The following PHF2 variants were observed in gnomAD, a reference collection of about 807,000 sequenced individuals.
PHF2 encodes the protein PHD finger protein 2.
A neutral mutation model predicts 120.5 loss-of-function variants in PHF2; 27 were observed. The observed-to-expected ratio is 0.22, with a 90% CI of 0.17 to 0.31. PHF2 has a LOEUF of 0.31. Ranked by LOEUF, PHF2 falls within the 10% of genes least tolerant of loss-of-function variation. The probability of loss-of-function intolerance (pLI) is 1.00; values close to 1 mark genes in which losing one functional copy is unlikely to be tolerated. For synonymous variants in PHF2, 568 were observed against 592.5 expected (o/e 0.96, Z 0.60); for missense variants, 1,024 against 1,434.8 (o/e 0.71, Z 4.63).
chr9:93,636,570 T>C (rs919386179), intron 3 of PHF2, 45 bp downstream of exon 3: 9 of 1,303,346 alleles, frequency 6.9e-6, no homozygotes, highest in African/African-American at 2.9e-5. Context: ...AGCCAGGGGA[T>C]GCACACTCTC....
chr9:93,581,733 G>A (rs866867214), intron 1 of PHF2, among the ~76,000 whole-genome samples: 15 of 152,210 alleles, frequency 9.9e-5, no homozygotes, highest in African/African-American at 3.1e-4. Context: ...GGCTGCTTGG[G>A]TGAAATGTGG....
intron 3 of PHF2, among the ~76,000 whole-genome samples, chr9:93,637,700 T>A (rs765486123): frequency 1.6e-4 from 24 of 152,266 alleles, no homozygotes; most frequent in Non-Finnish European, 2.8e-4. Flanking sequence ...CATCAGGTGA[T>A]GGTCATTTGC....
At chr9:93,621,616 G>A (rs1389981534) in intron 1 of PHF2, among the ~76,000 whole-genome samples, 8 of 152,324 alleles carry the variant, frequency 5.3e-5, no homozygotes, top group South Asian at 2.1e-4. Flanking sequence ...CGTTATGGAG[G>A]GCGGGGCCAG....
Position 93,675,969 on chromosome 9 carries a change from C to G in PHF2, c.2832+180C>G, listed in dbSNP as rs560122530. The stretch of plus-strand genomic sequence containing the variant: ...CCTATTCCTCCAGGCCCTAAATTCC[C>G]CGTGTGGGGTCCGGGGGAGCTAGGA... On this transcript the variant is annotated intron_variant, in intron 20 of 21. Coordinates refer to ENST00000359246, the MANE Select transcript of PHF2 (RefSeq NM_005392.4). Among the ~76,000 whole-genome samples the G allele has an allele frequency of 3.9e-5, 6 of 152,324 alleles. No homozygotes were observed. In the East Asian group the frequency reaches 7.7e-4, roughly 20 times the overall value.
At chr9:93,597,445 C>T (rs1400872450) in intron 1 of PHF2, among the ~76,000 whole-genome samples, 1 of 152,038 alleles carries the variant, frequency 6.6e-6, no homozygotes, top group Non-Finnish European at 1.5e-5. Context: ...AGCCTCCCAC[C>T]TGCTCTCTGT....
intron 1 of PHF2, among the ~76,000 whole-genome samples, chr9:93,602,766 C>T (rs1418143743): frequency 6.6e-6 from 1 of 152,126 alleles, no homozygotes; most frequent in East Asian, 1.9e-4. Context: ...GGGCAGATTG[C>T]CAGGAGTAAG....
chr9:93,576,819 G>T lies in PHF2; in HGVS notation c.46G>T (p.Val16Phe). 7.7e-7 allele frequency: 1 copy of T among 1,291,034 alleles called. No individual in the cohort carries two copies. The highest frequency in any genetic ancestry group is 1.0e-6 in the Non-Finnish European group (1 of 984,558). 80.0% of individuals were successfully genotyped at this position (1,291,034 alleles called of 1,614,324 possible). ...VYCVCRLPYD[V>F]TRFMIECDAC... ...CTGCGTCTGCCGGCTCCCCTACGACGTTACCCGCTTCATGATCGAGTGCGA... is the reference window on the plus strand; with the variant it reads ...CTGCGTCTGCCGGCTCCCCTACGACTTTACCCGCTTCATGATCGAGTGCGA... The change falls in exon 1 of 22, where the codon GTT becomes TTT. Residue 16 changes from valine (V) to phenylalanine (F), a missense_variant. By Grantham distance (50) the Val-to-Phe change is conservative. This residue lies in a region of PHF2 where 347 missense variants were observed against 577.4 expected (regional missense o/e 0.60). Transcript: ENST00000359246.
intron 17 of PHF2, among the ~76,000 whole-genome samples, chr9:93,673,342 T>C (rs1826844483): frequency 6.6e-6 from 1 of 151,998 alleles, no homozygotes; most frequent in South Asian, 2.1e-4. Context: ...CATCTCTGTC[T>C]CCAGGCCTCC....
intron 1 of PHF2, among the ~76,000 whole-genome samples, chr9:93,598,321 G>C (rs188639401): frequency 7.2e-5 from 11 of 152,226 alleles, no homozygotes; most frequent in Non-Finnish European, 2.9e-5. Flanking sequence ...GAAGAGGGCC[G>C]TGCTGCGGGA....
chr9:93,657,373 C>G (rs529537752), intron 9 of PHF2, among the ~76,000 whole-genome samples: 1 of 152,260 alleles, frequency 6.6e-6, no homozygotes, highest in East Asian at 1.9e-4. Flanking sequence ...CCCACTGTTC[C>G]CCAAATCTGG....
Position 93,660,383 on chromosome 9 carries a change from G to GAC in PHF2, c.1521_1522insAC (p.Pro508ThrfsTer15). The GAC allele has an allele frequency of 6.6e-7, 1 of 1,511,704 alleles. No homozygotes were observed. Among genetic ancestry groups the GAC allele is most frequent in the Non-Finnish European group, 8.9e-7 (1 of 1,126,702 alleles). 93.6% of individuals were successfully genotyped at this position (1,511,704 alleles called of 1,614,324 possible). A position where few individuals can be genotyped will look rare whatever the true frequency, so the allele number is the denominator to read the frequency against. ...TGCCCAAGCCATCCAAAATCCCCAA[G>GAC]CCCCCGAAGCCCCCTAAGCCCCCAA... is the stretch of plus-strand genomic sequence containing the variant. On this transcript the variant is annotated frameshift_variant, in exon 12 of 22. Transcript: ENST00000359246. LOFTEE classifies it high-confidence loss of function.
intron 14 of PHF2, among the ~76,000 whole-genome samples, chr9:93,664,458 G>A (rs561603404): frequency 3.2e-4 from 48 of 152,342 alleles, no homozygotes; most frequent in African/African-American, 1.0e-3. Context: ...CCTGGCCGGA[G>A]TCAGACAGGT....
intron 3 of PHF2, among the ~76,000 whole-genome samples, chr9:93,639,428 C>T (rs952863634): frequency 2.6e-5 from 4 of 151,994 alleles, no homozygotes; most frequent in African/African-American, 9.7e-5. Context: ...TATCTTGCAA[C>T]CCTGCTGAAC....
At chr9:93,644,104 C>T (rs1316962249) in intron 3 of PHF2, among the ~76,000 whole-genome samples, 2 of 152,112 alleles carry the variant, frequency 1.3e-5, no homozygotes, top group African/African-American at 2.4e-5. Flanking sequence ...TCCAGAGGCT[C>T]GGCTGGGCGC....
At chr9:93,663,088 T>G (rs1378395924) in intron 13 of PHF2, 62 bp downstream of exon 13, 3 of 1,600,362 alleles carry the variant, frequency 1.9e-6, no homozygotes, top group Non-Finnish European at 2.6e-6. Context: ...TGAGCAGAGG[T>G]GAATCTGTGA....
chr9:93,665,111 G>A (rs560433716), intron 14 of PHF2, among the ~76,000 whole-genome samples: 22 of 152,364 alleles, frequency 1.4e-4, no homozygotes, highest in Admixed American at 8.5e-4. Context: ...CAGGCAGGGA[G>A]ACAAATTACA....
At chr9:93,605,057 A>G (rs545899567) in intron 1 of PHF2, among the ~76,000 whole-genome samples, 1 of 152,300 alleles carries the variant, frequency 6.6e-6, no homozygotes, top group South Asian at 2.1e-4. Flanking sequence ...GACAGAGTGA[A>G]AAGATCGAGA....
intron 1 of PHF2, among the ~76,000 whole-genome samples, chr9:93,621,182 TGGAGGGGCA>T (rs756735346): frequency 3.9e-5 from 6 of 152,286 alleles, no homozygotes; most frequent in Non-Finnish European, 7.4e-5. Flanking sequence ...CCTTCAGCCT[TGGAGGGGCA>T]GGAGGGGCAG....
rs1826314985 is a variant in PHF2, at chr9:93,649,232, G to A, written c.602+20G>A. 6.5e-7 allele frequency: 1 copy of A among 1,549,078 alleles called. No individual in the cohort carries two copies. Among genetic ancestry groups the A allele is most frequent in the Non-Finnish European group, 8.7e-7 (1 of 1,145,956 alleles). On this transcript the variant is annotated intron_variant, in intron 5 of 21. Transcript: ENST00000359246. ...CACCCGGTGAGTGCTACCACCCTGG[G>A]GGTGTGGGGGCTGGGGTTGGGGCAG...
Sources: gnomAD v4.1 joint callset for allele counts (sites outside exome capture counted in the v4.1 genomes callset) on GRCh38, gnomAD v4.1.1 for gene constraint, gnomAD v4.1.1 regional missense constraint, MANE v1.5 for transcripts, NCBI Gene and HGNC (gene_info 2026-07-23, HGNC 2026-07-21) for gene names.